Variants in MACF1 observed in about 807,000 individuals in gnomAD.
MACF1 encodes the protein microtubule actin crosslinking factor 1.
In MACF1, 193 loss-of-function variants were observed where a neutral mutation model predicts 854.8. The ratio of observed to expected loss-of-function variants is 0.23; its 90% CI spans 0.20 to 0.25. The LOEUF is 0.25. MACF1 is among the 10% of genes least tolerant of loss of function. The pLI, the probability that MACF1 is intolerant of heterozygous loss-of-function variation, is 1.00. For synonymous variants in MACF1, 3,185 were observed against 3,226.7 expected, an observed-to-expected ratio of 0.99 and a Z score of 0.44; for missense variants, 7,722 against 8,929.1, an observed-to-expected ratio of 0.86 and a Z score of 5.45.
At chr1:39,410,512 T>A in intron 58 of MACF1, 1 of 1,614,006 alleles carries the variant, frequency 6.2e-7, no homozygotes, top group Non-Finnish European at 8.5e-7. Context: ...ATCTAATGTT[T>A]TTGAATCTAG....
intron 71 of MACF1, 71 bp downstream of exon 71, chr1:39,438,079 C>A: frequency 1.5e-6 from 2 of 1,345,810 alleles, no homozygotes; most frequent in Non-Finnish European, 2.1e-6. Context: ...CTTCAGCATC[C>A]CACCAGATTT....
At chr1:39,414,596 G>T (rs751844855) in intron 58 of MACF1, 20 of 1,466,968 alleles carry the variant, frequency 1.4e-5, no homozygotes, top group Admixed American at 4.4e-5. Flanking sequence ...GGTCTCCCGG[G>T]CTTATAGTTT....
chr1:39,256,091 G>C (rs528669399), intron 5 of MACF1, among the ~76,000 whole-genome samples: 7 of 152,310 alleles, frequency 4.6e-5, no homozygotes, highest in African/African-American at 1.7e-4. Flanking sequence ...TGTGCAGATA[G>C]TGTAATATTT....
Position 39,452,147 on chromosome 1 carries a change from C to A in MACF1, c.20419-9C>A. 2 of 1,577,974 alleles carry A rather than the reference C, an allele frequency of 1.3e-6. No individual in the cohort carries two copies. Among genetic ancestry groups the A allele is most frequent in the Non-Finnish European group, 1.7e-6 (2 of 1,163,238 alleles). ...TTGAACAAACAAATTCTCCTATTTTCTTTTCTAGGTTTTCCAGAAGGAACT... is the reference window on the plus strand; with the variant it reads ...TTGAACAAACAAATTCTCCTATTTTATTTTCTAGGTTTTCCAGAAGGAACT... On this transcript the variant is annotated splice_polypyrimidine_tract_variant and intron_variant, in intron 85 of 100. Coordinates refer to ENST00000564288, the MANE Select transcript of MACF1 (RefSeq NM_001394062.1).
intron 69 of MACF1, among the ~76,000 whole-genome samples, 198 bp downstream of exon 69, chr1:39,434,830 A>G (rs949747547): frequency 7.2e-5 from 11 of 152,248 alleles, no homozygotes; most frequent in African/African-American, 2.7e-4. Context: ...CACTAAGATT[A>G]TAGAGATGTC....
intron 2 of MACF1, among the ~76,000 whole-genome samples, chr1:39,131,365 G>A (rs986824922): frequency 5.3e-5 from 8 of 150,102 alleles, no homozygotes; most frequent in African/African-American, 2.0e-4. Context: ...GTAGAGACAG[G>A]GTCTCACTAT....
intron 2 of MACF1, among the ~76,000 whole-genome samples, chr1:39,093,010 T>C (rs925375414): frequency 8.5e-5 from 13 of 152,122 alleles, no homozygotes; most frequent in African/African-American, 2.9e-4. Flanking sequence ...GGCCTTGAAC[T>C]CCTGACCTCA....
At chr1:39,247,260 A>G (rs1644992710) in intron 2 of MACF1, among the ~76,000 whole-genome samples, 1 of 151,070 alleles carries the variant, frequency 6.6e-6, no homozygotes, top group South Asian at 2.1e-4. Context: ...TTTAGTAGAG[A>G]CGGGGTTTCA....
intron 2 of MACF1, among the ~76,000 whole-genome samples, chr1:39,182,020 G>A (rs148687497): frequency 8.6e-5 from 13 of 151,894 alleles, no homozygotes; most frequent in African/African-American, 2.2e-4. Context: ...ATGTGGTGGC[G>A]GGCACCTGTA....
At position 39,442,473 on chromosome 1, in the gene MACF1, T is replaced by C. The variant is rs1168911571; in HGVS notation, c.19010T>C (p.Met6337Thr). ...TTCCAGCATGCCTTAGAGGAACTAATGAGTTGGCTGACTCATACCGAAGAG... is the reference window on the plus strand; with the variant it reads ...TTCCAGCATGCCTTAGAGGAACTAACGAGTTGGCTGACTCATACCGAAGAG... The part of the protein sequence containing the change: ...GQFQHALEEL[M>T]SWLTHTEELL... Residue 6337 changes from methionine to threonine, a missense_variant, in exon 77 of 101, where the codon ATG (methionine) becomes ACG (threonine). Physicochemically the swap from Met to Thr is moderately conservative, Grantham distance 81. This residue lies in a region of MACF1 where 2,807 missense variants were observed against 3,235.8 expected (regional missense o/e 0.87). Transcript: ENST00000564288. The C allele has an allele frequency of 6.2e-7, 1 of 1,614,226 alleles. No homozygotes were observed. The highest frequency in any genetic ancestry group is 1.1e-5 in the South Asian group (1 of 91,088).
intron 7 of MACF1, among the ~76,000 whole-genome samples, chr1:39,282,903 G>A (rs769709802): frequency 1.5e-4 from 23 of 152,180 alleles, no homozygotes; most frequent in Admixed American, 4.6e-4. Context: ...AAAAATTGTT[G>A]AGTTCTTAGT....
intron 15 of MACF1, 174 bp downstream of exon 15, chr1:39,287,736 G>A (rs1645672877): frequency 2.9e-6 from 2 of 683,968 alleles, no homozygotes; most frequent in South Asian, 3.9e-5. Context: ...GGAACTCCTG[G>A]GCTGAAGTGA....
chr1:39,212,372 C>T (rs1381258620), intron 1 of MACF1, among the ~76,000 whole-genome samples: 1 of 152,136 alleles, frequency 6.6e-6, no homozygotes, highest in East Asian at 1.9e-4. Flanking sequence ...GAAGGCCTGT[C>T]TCCTGTAGGT....
rs185735779 is a variant in MACF1, at chr1:39,364,548, A to G, written c.12771+2871A>G. Among the ~76,000 whole-genome samples, 214 of 151,016 alleles carry G rather than the reference A, an allele frequency of 1.4e-3. 1 individual carries two copies. Among genetic ancestry groups the G allele is most frequent in the African/African-American group, 4.7e-3 (191 of 41,026 alleles). ...CGCTCTGTCGCCCAGGCTGGAGTGCAGTGGCGCGATCTCGGCTCACTGCAA... is the reference window on the plus strand; with the variant it reads ...CGCTCTGTCGCCCAGGCTGGAGTGCGGTGGCGCGATCTCGGCTCACTGCAA... On this transcript the variant is annotated intron_variant, in intron 49 of 100. Coordinates refer to ENST00000564288, the MANE Select transcript of MACF1 (RefSeq NM_001394062.1).
rs772596017 is a variant in MACF1, at chr1:39,429,215, A to G, written c.16804-27A>G. 3.4e-6 allele frequency: 4 copies of G among 1,188,170 alleles called. No individual in the cohort carries two copies. The Admixed American group carries it at 5.4e-5, about 16-fold the overall frequency. 73.6% of individuals were successfully genotyped at this position (1,188,170 alleles called of 1,614,324 possible). On this transcript the variant is annotated intron_variant, in intron 63 of 100. Transcript: ENST00000564288. The stretch of plus-strand genomic sequence containing the variant: ...GTTTCATTTGTAGTGCCACAGTTTC[A>G]GGATTAATGGTATTCTTTCCTTTCA...
At chr1:39,427,856 G>A in intron 62 of MACF1, 105 bp from the exon 63 acceptor site, 1 of 1,078,086 alleles carries the variant, frequency 9.3e-7, no homozygotes, top group Non-Finnish European at 1.3e-6. Context: ...CAGTCGGTGA[G>A]TTTTTTAATT....
At chr1:39,289,292 T>C (rs903617549) in intron 15 of MACF1, among the ~76,000 whole-genome samples, 5 of 152,178 alleles carry the variant, frequency 3.3e-5, no homozygotes, top group African/African-American at 1.2e-4. Context: ...GCTCTATTGT[T>C]AGTGATTTGA....
chr1:39,306,726 C>T (rs1461852030), intron 23 of MACF1, among the ~76,000 whole-genome samples: 1 of 150,284 alleles, frequency 6.7e-6, no homozygotes, highest in Non-Finnish European at 1.5e-5. Flanking sequence ...TATTAGTGTA[C>T]TCCCTGGTTT....
chr1:39,238,344 G>A (rs1644882876), intron 2 of MACF1, among the ~76,000 whole-genome samples: 1 of 152,150 alleles, frequency 6.6e-6, no homozygotes, highest in Non-Finnish European at 1.5e-5. Flanking sequence ...TTGTCTCCTA[G>A]GGAAGAGGGA....
Sources: allele counts gnomAD v4.1 joint callset (sites outside exome capture counted in the v4.1 genomes callset), GRCh38; gene constraint gnomAD v4.1.1; regional missense constraint gnomAD v4.1.1; transcripts MANE v1.5; gene names NCBI Gene and HGNC (gene_info 2026-07-23, HGNC 2026-07-21).